The following SLIT3 variants were observed in gnomAD, a reference collection of about 807,000 sequenced individuals.
SLIT3 encodes the protein slit guidance ligand 3.
A neutral mutation model predicts 184.0 loss-of-function variants in SLIT3; 68 were observed. The ratio of observed to expected loss-of-function variants is 0.37; its 90% CI spans 0.30 to 0.45. The LOEUF is 0.45. SLIT3 is among the 20% of genes least tolerant of loss of function. The pLI is 1.00. For missense variants in SLIT3, 1,707 were observed against 2,026.0 expected (o/e 0.84, Z 3.02); for synonymous variants, 831 against 828.6 (o/e 1.00, Z -0.05).
At chr5:168,826,587 T>C (rs1757712786) in intron 6 of SLIT3, among the ~76,000 whole-genome samples, 1 of 152,154 alleles carries the variant, frequency 6.6e-6, no homozygotes, top group South Asian at 2.1e-4. Flanking sequence ...TATGCAACCA[T>C]GGGTAAATTT....
At chr5:169,240,455 G>A (rs1284708041) in intron 3 of SLIT3, among the ~76,000 whole-genome samples, 1 of 149,960 alleles carries the variant, frequency 6.7e-6, no homozygotes, top group East Asian at 2.0e-4. Flanking sequence ...TATCTTCCTG[G>A]GATATTTCCT....
intron 4 of SLIT3, among the ~76,000 whole-genome samples, chr5:169,147,185 G>A (rs1358529093): frequency 6.6e-6 from 1 of 152,188 alleles, no homozygotes; most frequent in Admixed American, 6.5e-5. Flanking sequence ...CACCAAATTT[G>A]TTCCAGCCAC....
intron 16 of SLIT3, among the ~76,000 whole-genome samples, chr5:168,759,107 C>CA (rs1561915914): frequency 6.6e-6 from 1 of 151,976 alleles, no homozygotes; most frequent in Non-Finnish European, 1.5e-5. Flanking sequence ...TTCCAAAATC[C>CA]AAAAAAATCT....
chr5:169,123,732 A>G (rs1463357368), intron 4 of SLIT3, among the ~76,000 whole-genome samples: 1 of 152,212 alleles, frequency 6.6e-6, no homozygotes, highest in Non-Finnish European at 1.5e-5. Context: ...TCCTGAAGAC[A>G]AGGCACAATC....
chr5:168,983,192 T>C (rs777731161), intron 4 of SLIT3, among the ~76,000 whole-genome samples: 1 of 152,214 alleles, frequency 6.6e-6, no homozygotes, highest in Non-Finnish European at 1.5e-5. Context: ...TTTCCTGATA[T>C]CTACTGGCTC....
intron 1 of SLIT3, among the ~76,000 whole-genome samples, chr5:169,284,782 A>T (rs566110119): frequency 6.6e-6 from 1 of 152,328 alleles, no homozygotes; most frequent in African/African-American, 2.4e-5. Context: ...TAGAGCATTG[A>T]ATGTGTGTTA....
intron 20 of SLIT3, among the ~76,000 whole-genome samples, chr5:168,735,928 A>T (rs941197928): frequency 6.6e-6 from 1 of 152,066 alleles, no homozygotes; most frequent in Non-Finnish European, 1.5e-5. Context: ...CCTCTTTGTC[A>T]TCCTATTTGC....
intron 4 of SLIT3, among the ~76,000 whole-genome samples, chr5:169,123,651 A>T (rs892406241): frequency 1.3e-5 from 2 of 152,198 alleles, no homozygotes; most frequent in Admixed American, 1.3e-4. Context: ...ATCTTAAACA[A>T]ATGAGATCTA....
intron 4 of SLIT3, among the ~76,000 whole-genome samples, chr5:168,947,228 G>T (rs62377200): frequency 6.6e-6 from 1 of 152,182 alleles, no homozygotes; most frequent in African/African-American, 2.4e-5. Flanking sequence ...GAAATGCAAC[G>T]AGAGAAAAAA....
At chr5:169,172,616 G>A (rs191539254) in intron 4 of SLIT3, among the ~76,000 whole-genome samples, 14 of 152,206 alleles carry the variant, frequency 9.2e-5, no homozygotes, top group South Asian at 2.1e-4. Context: ...TTTGGGAAAC[G>A]CACATCTAGA....
chr5:168,837,907 G>A (rs1370209283), intron 6 of SLIT3, among the ~76,000 whole-genome samples: 1 of 152,204 alleles, frequency 6.6e-6, no homozygotes, highest in Admixed American at 6.5e-5. Context: ...TGAGCTGGAA[G>A]CTGGTTCTAT....
intron 4 of SLIT3, among the ~76,000 whole-genome samples, chr5:168,915,757 G>C (rs12514293): frequency 0.26 from 38,904 of 151,814 alleles, 5,719 homozygotes; most frequent in South Asian, 0.43. Context: ...CATGTGTCCA[G>C]AGGCTGCTGT....
chr5:168,743,602 C>T (rs546879886), intron 20 of SLIT3, among the ~76,000 whole-genome samples: 2 of 152,284 alleles, frequency 1.3e-5, no homozygotes, highest in African/African-American at 4.8e-5. Flanking sequence ...CAACTAATAA[C>T]CCTACAACGG....
intron 16 of SLIT3, among the ~76,000 whole-genome samples, chr5:168,755,739 G>T (rs571581355): frequency 6.6e-6 from 1 of 152,242 alleles, no homozygotes; most frequent in Admixed American, 6.5e-5. Context: ...CCTGGCTGGT[G>T]CTGCCATTTC....
intron 1 of SLIT3, among the ~76,000 whole-genome samples, chr5:169,265,629 TTAACTCATCCC>T (rs1766369600): frequency 6.6e-6 from 1 of 152,164 alleles, no homozygotes; most frequent in Non-Finnish European, 1.5e-5. Context: ...GGCAGGTTAT[TTAACTCATCCC>T]TAAGCTTCTG....
intron 12 of SLIT3, among the ~76,000 whole-genome samples, chr5:168,778,660 TG>T (rs1375222149): frequency 6.6e-6 from 1 of 152,208 alleles, no homozygotes; most frequent in African/African-American, 2.4e-5. Context: ...AATGCCGACG[TG>T]GGAGCTGATA....
chr5:169,261,774 C>A (rs933751404), intron 1 of SLIT3, among the ~76,000 whole-genome samples: 1 of 152,162 alleles, frequency 6.6e-6, no homozygotes, highest in African/African-American at 2.4e-5. Flanking sequence ...AACCTAGAGA[C>A]CTGCTTCTAA....
intron 5 of SLIT3, among the ~76,000 whole-genome samples, chr5:168,872,426 C>T (rs1161297026): frequency 2.0e-5 from 3 of 152,054 alleles, no homozygotes; most frequent in South Asian, 2.1e-4. Context: ...AATATTGGCT[C>T]AGCAGTGGTA....
At chr5:169,177,086 A>G (rs552811225) in intron 4 of SLIT3, among the ~76,000 whole-genome samples, 1 of 152,320 alleles carries the variant, frequency 6.6e-6, no homozygotes, top group Admixed American at 6.5e-5. Flanking sequence ...TCCCCTGAGT[A>G]ATATTTTCCC....
Sources: allele counts gnomAD v4.1 joint callset (sites outside exome capture counted in the v4.1 genomes callset), GRCh38; gene constraint gnomAD v4.1.1; transcripts MANE v1.5; gene names NCBI Gene and HGNC (gene_info 2026-07-23, HGNC 2026-07-21).